The following DNAH5 variants were observed in gnomAD, a reference collection of about 807,000 sequenced individuals.
The protein encoded by DNAH5 is axonemal beta dynein heavy chain 5.
A neutral mutation model predicts 518.2 loss-of-function variants in DNAH5; 372 were observed. The observed-to-expected ratio is 0.72, with a 90% CI of 0.66 to 0.78. DNAH5 has a LOEUF of 0.78. Among genes scored for constraint, DNAH5 ranks in the 30% least tolerant of loss-of-function variants. The pLI is 0.00. For synonymous variants in DNAH5, 2,039 were observed against 2,025.9 expected (o/e 1.01, Z -0.17); for missense variants, 5,523 against 5,687.0 (o/e 0.97, Z 0.93).
intron 6 of DNAH5, among the ~76,000 whole-genome samples, chr5:13,920,238 C>T (rs760966180): frequency 2.1e-4 from 32 of 152,204 alleles, no homozygotes; most frequent in Non-Finnish European, 2.8e-4. Context: ...AGAAAAGAAA[C>T]TGGCAAAGTG....
chr5:13,801,258 A>G (rs1758706071), intron 47 of DNAH5, among the ~76,000 whole-genome samples: 2 of 152,260 alleles, frequency 1.3e-5, no homozygotes, highest in South Asian at 4.1e-4. Context: ...GGTTGCTTAA[A>G]GGTGTGTAGC....
intron 56 of DNAH5, among the ~76,000 whole-genome samples, chr5:13,770,024 G>A (rs1427821889): frequency 6.6e-6 from 1 of 152,196 alleles, no homozygotes; most frequent in Non-Finnish European, 1.5e-5. Flanking sequence ...AATGATGTGG[G>A]CTTAAGAAAC....
chr5:13,831,513 C>T (rs542663066), intron 35 of DNAH5, among the ~76,000 whole-genome samples: 6 of 152,178 alleles, frequency 3.9e-5, no homozygotes, highest in African/African-American at 1.4e-4. Flanking sequence ...AGCATTCATC[C>T]GGACTTGAAA....
intron 42 of DNAH5, 29 bp downstream of exon 42, chr5:13,817,518 CA>C: frequency 6.2e-7 from 1 of 1,608,548 alleles, no homozygotes; most frequent in Non-Finnish European, 8.5e-7. Context: ...GAAGTATAAT[CA>C]AAAATAATCC....
chr5:14,011,795 T>G (rs915539633), exon 1 of DNAH5, among the ~76,000 whole-genome samples: 2 of 152,288 alleles, frequency 1.3e-5, no homozygotes, highest in East Asian at 3.9e-4. Context: ...GGCTGTTTGC[T>G]GCTCCTGCCG....
chr5:13,691,431 CTA>C lies in DNAH5; in HGVS notation c.*551_*552del, dbSNP rs1349414309. ...TTAAGCATTGTTCTACGTTTATTCT[CTA>C]TGTTTACATAAATTTTCTATTTACA... On this transcript the variant is annotated 3_prime_UTR_variant, in exon 79 of 79. Coordinates refer to ENST00000265104, the MANE Select transcript of DNAH5 (RefSeq NM_001369.3). 6.5e-6 allele frequency: 1 copy of C among 153,222 alleles called. No individual in the cohort carries two copies. Among genetic ancestry groups the C allele is most frequent in the African/African-American group, 2.4e-5 (1 of 41,450 alleles). 9.5% of individuals were successfully genotyped at this position (153,222 alleles called of 1,614,324 possible). A position where few individuals can be genotyped will look rare whatever the true frequency, so the allele number is the denominator to read the frequency against.
chr5:13,691,934 AT>A lies in DNAH5; in HGVS notation c.*49del, dbSNP rs753263224. 2 of 1,611,344 alleles carry A rather than the reference AT, an allele frequency of 1.2e-6. No homozygotes were observed. The highest frequency in any genetic ancestry group is 1.7e-6 in the Non-Finnish European group (2 of 1,177,612). ...TCATACAGAAATAAAGGTTACAATA[AT>A]TTAGATCTTGCATTTTCCAAAGCAT... On this transcript the variant is annotated 3_prime_UTR_variant, in exon 79 of 79. Coordinates refer to ENST00000265104, the MANE Select transcript of DNAH5 (RefSeq NM_001369.3).
chr5:13,842,798 A>G (rs1765468045), intron 32 of DNAH5, among the ~76,000 whole-genome samples: 1 of 152,142 alleles, frequency 6.6e-6, no homozygotes, highest in Non-Finnish European at 1.5e-5. Flanking sequence ...GCACCCACAC[A>G]ACCAAAATCT....
chr5:13,988,650 T>C (rs1197401705), intron 1 of DNAH5, among the ~76,000 whole-genome samples: 2 of 151,344 alleles, frequency 1.3e-5, no homozygotes, highest in African/African-American at 2.4e-5. Context: ...ACTCCTGACC[T>C]CAAGTGATCC....
intron 1 of DNAH5, among the ~76,000 whole-genome samples, chr5:13,989,397 C>A (rs1282850629): frequency 2.0e-5 from 3 of 150,270 alleles, no homozygotes; most frequent in Non-Finnish European, 3.0e-5. Context: ...AAAAAAAAAT[C>A]CGGTCCCAAA....
intron 38 of DNAH5, among the ~76,000 whole-genome samples, chr5:13,827,457 T>C (rs1252044560): frequency 6.6e-6 from 1 of 150,834 alleles, no homozygotes; most frequent in Admixed American, 6.6e-5. Context: ...CTTGGTGCCC[T>C]GCATCCCAGC....
chr5:13,886,202 CAGT>C (rs1038215385), intron 17 of DNAH5, 73 bp from the exon 18 acceptor site: 1 of 1,443,012 alleles, frequency 6.9e-7, no homozygotes, highest in African/African-American at 1.4e-5. Context: ...AGCACAGAAA[CAGT>C]GGTAGCAATG....
At chr5:13,872,185 C>T (rs1561479496) in intron 22 of DNAH5, among the ~76,000 whole-genome samples, 1 of 152,154 alleles carries the variant, frequency 6.6e-6, no homozygotes, top group Non-Finnish European at 1.5e-5. Flanking sequence ...TCTTCATTGA[C>T]TGAACCCACT....
intron 51 of DNAH5, among the ~76,000 whole-genome samples, chr5:13,787,562 C>T (rs969623837): frequency 1.3e-5 from 2 of 152,106 alleles, no homozygotes; most frequent in African/African-American, 4.8e-5. Context: ...GTTTCAATGA[C>T]ACAAAAGGTT....
chr5:13,855,719 A>AG (rs1438729144), intron 30 of DNAH5, among the ~76,000 whole-genome samples: 2 of 152,218 alleles, frequency 1.3e-5, no homozygotes, highest in African/African-American at 4.8e-5. Flanking sequence ...CATCATACTT[A>AG]TTCTAATATC....
At chr5:13,832,312 A>G (rs1763782738) in intron 35 of DNAH5, among the ~76,000 whole-genome samples, 1 of 152,226 alleles carries the variant, frequency 6.6e-6, no homozygotes, top group Non-Finnish European at 1.5e-5. Flanking sequence ...AAACAGATCA[A>G]TCCTATTTAC....
At chr5:13,873,518 A>G in intron 22 of DNAH5, among the ~76,000 whole-genome samples, 1 of 152,164 alleles carries the variant, frequency 6.6e-6, no homozygotes, top group Non-Finnish European at 1.5e-5. Context: ...TGAAAAATTC[A>G]TATAATTATC....
chr5:13,748,224 T>C (rs1445481277), intron 65 of DNAH5, among the ~76,000 whole-genome samples: 1 of 152,228 alleles, frequency 6.6e-6, no homozygotes, highest in Non-Finnish European at 1.5e-5. Flanking sequence ...TTCTGTTCTG[T>C]TCCATTGGTC....
intron 41 of DNAH5, 114 bp from the exon 42 acceptor site, chr5:13,817,808 G>T: frequency 1.1e-6 from 1 of 910,258 alleles, no homozygotes; most frequent in Non-Finnish European, 1.7e-6. Flanking sequence ...TATGAAAACT[G>T]CAGAACTACA....
Sources: allele counts gnomAD v4.1 joint callset (sites outside exome capture counted in the v4.1 genomes callset), GRCh38; gene constraint gnomAD v4.1.1; transcripts MANE v1.5; gene names NCBI Gene and HGNC (gene_info 2026-07-23, HGNC 2026-07-21).